The following ABCC9 variants were observed in gnomAD, a reference collection of about 807,000 sequenced individuals.
The protein encoded by ABCC9 is ATP-binding cassette sub-family C member 9.
ABCC9 carries 95 observed loss-of-function variants against 188.3 expected under a neutral mutation model. The ratio of observed to expected loss-of-function variants is 0.50; its 90% CI spans 0.43 to 0.60. The LOEUF (loss-of-function observed/expected upper bound fraction) is 0.60. Ranked by LOEUF, ABCC9 falls within the 20% of genes least tolerant of loss-of-function variation. ABCC9 has a pLI of 0.00. For missense variants in ABCC9, 1,102 were observed against 1,876.3 expected, an observed-to-expected ratio of 0.59 and a Z score of 7.62; for synonymous variants, 659 against 652.7, an observed-to-expected ratio of 1.01 and a Z score of -0.15.
At chr12:21,859,708 G>C in intron 21 of ABCC9, 42 bp from the exon 22 acceptor site, 1 of 1,515,318 alleles carries the variant, frequency 6.6e-7, no homozygotes, top group Non-Finnish European at 9.2e-7. Context: ...TTTAATATTA[G>C]TAAATGATCT....
intron 2 of ABCC9, among the ~76,000 whole-genome samples, chr12:21,940,054 T>G (rs1401211880): frequency 1.3e-5 from 2 of 152,230 alleles, no homozygotes; most frequent in Non-Finnish European, 1.5e-5. Flanking sequence ...CACATTTAAG[T>G]GCTGAGGCAT....
intron 31 of ABCC9, among the ~76,000 whole-genome samples, chr12:21,821,033 G>T (rs1462409313): frequency 6.6e-6 from 1 of 152,124 alleles, no homozygotes; most frequent in African/African-American, 2.4e-5. Context: ...TTCAGTACTT[G>T]TTTGTGGAGT....
chr12:21,887,789 C>G, intron 15 of ABCC9, 37 bp downstream of exon 15: 1 of 1,283,106 alleles, frequency 7.8e-7, no homozygotes, highest in Non-Finnish European at 1.1e-6. Flanking sequence ...AGACTGTCCT[C>G]TATTCACAAC....
At chr12:21,917,480 G>A (rs1565483576) in intron 5 of ABCC9, among the ~76,000 whole-genome samples, 1 of 152,158 alleles carries the variant, frequency 6.6e-6, no homozygotes, top group African/African-American at 2.4e-5. Flanking sequence ...ACAAGTTGGT[G>A]TCTGTATAAC....
chr12:21,936,520 C>T lies in ABCC9; in HGVS notation c.142+13G>A, dbSNP rs759657357. 2 of 1,603,474 alleles carry T rather than the reference C, an allele frequency of 1.2e-6. No homozygotes were observed. Among genetic ancestry groups the T allele is most frequent in the Admixed American group, 3.3e-5 (2 of 59,776 alleles). ...ACATCAAATGGTATAACATAAGATA[C>T]TAGATTACTTACCAATAAACAATAT... On this transcript the variant is annotated intron_variant, in intron 3 of 39. Transcript: ENST00000261200.
intron 31 of ABCC9, among the ~76,000 whole-genome samples, chr12:21,824,176 G>GT (rs1403774683): frequency 6.6e-6 from 1 of 152,150 alleles, no homozygotes; most frequent in Non-Finnish European, 1.5e-5. Context: ...TTGATATCTA[G>GT]TTTTTTGAGC....
chr12:21,923,314 C>T (rs1384664627), intron 5 of ABCC9: 1 of 150,974 alleles, frequency 6.6e-6, no homozygotes, highest in Non-Finnish European at 1.5e-5. Context: ...TTAAAATCTT[C>T]TGCTCATTAA....
At chr12:21,926,181 C>T (rs1565491770) in intron 4 of ABCC9, 118 bp from the exon 5 acceptor site, 1 of 1,364,364 alleles carries the variant, frequency 7.3e-7, no homozygotes, top group Non-Finnish European at 1.0e-6. Context: ...ATACAGAATG[C>T]AATAGTAGTT....
intron 8 of ABCC9, 76 bp downstream of exon 8, chr12:21,912,796 C>A (rs1481177166): frequency 1.4e-6 from 2 of 1,453,876 alleles, no homozygotes; most frequent in African/African-American, 1.4e-5. Flanking sequence ...ACTCATAAAA[C>A]TGCATTAATA....
intron 13 of ABCC9, among the ~76,000 whole-genome samples, chr12:21,894,526 G>GA (rs1372350879): frequency 6.7e-6 from 1 of 149,450 alleles, no homozygotes; most frequent in Non-Finnish European, 1.5e-5. Context: ...TACTCCGGGA[G>GA]AAAAAAGAAT....
intron 39 of ABCC9, among the ~76,000 whole-genome samples, chr12:21,804,634 TCTTTA>T (rs1440447929): frequency 1.3e-5 from 2 of 152,238 alleles, no homozygotes; most frequent in African/African-American, 2.4e-5. Flanking sequence ...AGTAGATTTT[TCTTTA>T]CTTAGGCAGT....
At chr12:21,908,797 A>G (rs1421602) in intron 10 of ABCC9, among the ~76,000 whole-genome samples, 93,728 of 151,558 alleles carry the variant, frequency 0.62, 29,228 homozygotes, top group East Asian at 0.8. Context: ...AGCTAAAGTT[A>G]GTGTCCTATC....
intron 16 of ABCC9, 40 bp from the exon 17 acceptor site, chr12:21,875,766 T>C: frequency 6.9e-7 from 1 of 1,443,136 alleles, no homozygotes; most frequent in Non-Finnish European, 9.7e-7. Flanking sequence ...ATATGTGTGG[T>C]ATCAATGAAT....
intron 35 of ABCC9, 112 bp from the exon 36 acceptor site, chr12:21,812,269 A>G: frequency 2.5e-6 from 2 of 785,864 alleles, no homozygotes; most frequent in South Asian, 3.0e-5. Flanking sequence ...CAGGAGACCC[A>G]CTTTTCCATT....
At chr12:21,841,179 A>G (rs1944365814) in intron 29 of ABCC9, among the ~76,000 whole-genome samples, 1 of 152,164 alleles carries the variant, frequency 6.6e-6, no homozygotes, top group South Asian at 2.1e-4. Flanking sequence ...ACTATACTAT[A>G]TATAGCGGGG....
chr12:21,850,663 T>A lies in ABCC9; in HGVS notation c.2769+1434A>T, dbSNP rs2137431103. Among the ~76,000 whole-genome samples, 2 of 152,290 alleles carry A rather than the reference T, an allele frequency of 1.3e-5. 1 individual carries two copies. The highest frequency in any genetic ancestry group is 4.1e-4 in the South Asian group (2 of 4,824). On this transcript the variant is annotated intron_variant, in intron 24 of 39. Transcript: ENST00000261200. ...GTTACTATAATATTGAGCCAACAGCTCTCTTTATTTTCTAGTTCTTCTTTC... is the reference window on the plus strand; with the variant it reads ...GTTACTATAATATTGAGCCAACAGCACTCTTTATTTTCTAGTTCTTCTTTC...
At chr12:21,851,064 C>T (rs932365824) in intron 24 of ABCC9, among the ~76,000 whole-genome samples, 2 of 152,004 alleles carry the variant, frequency 1.3e-5, no homozygotes, top group Non-Finnish European at 2.9e-5. Context: ...TCTATGGAGA[C>T]AGATCCTTTA....
At chr12:21,847,301 C>T (rs1944725671) in intron 25 of ABCC9, among the ~76,000 whole-genome samples, 3 of 152,130 alleles carry the variant, frequency 2.0e-5, no homozygotes, top group African/African-American at 7.2e-5. Flanking sequence ...TGTCTGTTTA[C>T]AGCACCAAAA....
intron 18 of ABCC9, among the ~76,000 whole-genome samples, chr12:21,869,950 A>G (rs1273007066): frequency 6.6e-6 from 1 of 152,118 alleles, no homozygotes; most frequent in Admixed American, 6.5e-5. Context: ...CTGATGTACA[A>G]TTTATGTATT....
Sources: allele counts gnomAD v4.1 joint callset (sites outside exome capture counted in the v4.1 genomes callset), GRCh38; gene constraint gnomAD v4.1.1; transcripts MANE v1.5; gene names NCBI Gene and HGNC (gene_info 2026-07-23, HGNC 2026-07-21).